DYNC1I1: variants seen among roughly 807,000 people sequenced by gnomAD.
The protein encoded by DYNC1I1 is cytoplasmic dynein 1 intermediate chain 1.
Under a neutral mutation model 86.6 loss-of-function variants are expected in DYNC1I1, and 43 were observed. The observed-to-expected ratio is 0.50, with a 90% CI of 0.39 to 0.64. The LOEUF (loss-of-function observed/expected upper bound fraction) is 0.64. Among genes scored for constraint, DYNC1I1 ranks in the 30% least tolerant of loss-of-function variants. DYNC1I1 has a pLI of 0.00. For missense variants in DYNC1I1, 604 were observed against 788.8 expected, an observed-to-expected ratio of 0.77 and a Z score of 2.81; for synonymous variants, 262 against 283.7, an observed-to-expected ratio of 0.92 and a Z score of 0.77.
At chr7:95,878,684 T>C (rs1790371590) in intron 6 of DYNC1I1, among the ~76,000 whole-genome samples, 2 of 152,142 alleles carry the variant, frequency 1.3e-5, no homozygotes. Flanking sequence ...AATAATGGAA[T>C]AAAATTTCTC....
intron 5 of DYNC1I1, among the ~76,000 whole-genome samples, chr7:95,863,704 C>T (rs915877191): frequency 2.0e-5 from 3 of 151,958 alleles, no homozygotes; most frequent in African/African-American, 7.3e-5. Context: ...TTCTTTAGGC[C>T]TTCATCACAT....
intron 6 of DYNC1I1, among the ~76,000 whole-genome samples, chr7:95,955,622 C>T (rs1792691020): frequency 6.6e-6 from 1 of 152,098 alleles, no homozygotes; most frequent in African/African-American, 2.4e-5. Context: ...TAAACTTGCC[C>T]TTCACCACAG....
At chr7:95,924,889 C>T (rs1791702562) in intron 6 of DYNC1I1, among the ~76,000 whole-genome samples, 1 of 152,082 alleles carries the variant, frequency 6.6e-6, no homozygotes, top group Admixed American at 6.5e-5. Context: ...CCTAGAGTCT[C>T]TTAGGTGACT....
chr7:95,908,340 C>T (rs537726830), intron 6 of DYNC1I1, among the ~76,000 whole-genome samples: 27 of 151,996 alleles, frequency 1.8e-4, no homozygotes, highest in East Asian at 3.9e-4. Flanking sequence ...ACCTAAATAG[C>T]GAGCTGTAGA....
At chr7:95,874,554 C>T (rs1790254779) in intron 6 of DYNC1I1, among the ~76,000 whole-genome samples, 2 of 152,088 alleles carry the variant, frequency 1.3e-5, no homozygotes, top group African/African-American at 2.4e-5. Context: ...CCTAATACGA[C>T]TATGTTTGTA....
intron 16 of DYNC1I1, among the ~76,000 whole-genome samples, chr7:96,109,312 A>C (rs1403070198): frequency 6.6e-6 from 1 of 151,660 alleles, no homozygotes; most frequent in Admixed American, 6.6e-5. Flanking sequence ...TGCTGCACCC[A>C]TTAACTCGTC....
chr7:95,821,370 T>C (rs1473538600), intron 4 of DYNC1I1, among the ~76,000 whole-genome samples: 1 of 152,154 alleles, frequency 6.6e-6, no homozygotes, highest in East Asian at 1.9e-4. Context: ...TGGGGTTATT[T>C]TGCAGAAGAT....
intron 6 of DYNC1I1, among the ~76,000 whole-genome samples, chr7:95,913,849 A>T (rs1791401466): frequency 6.6e-6 from 1 of 152,204 alleles, no homozygotes; most frequent in African/African-American, 2.4e-5. Context: ...TTTTGCATTA[A>T]TATCAGAGTA....
Position 95,828,069 on chromosome 7 carries a change from G to A in DYNC1I1, c.327G>A (p.Trp109Ter). The change falls in exon 5 of 17, where the codon TGG (tryptophan) becomes TGA (stop). Residue 109 changes from tryptophan (W) to a stop codon, truncating the protein, a stop_gained. Transcript: ENST00000447467. LOFTEE classifies it high-confidence loss of function. ...DLGPLTRTLQ[W>*]DTDPSVLQLQ... ...GCTGCACAATTAGGACCCTGCAGTG[G>A]GACACAGACCCCTCAGTGCTCCAGC... The A allele has an allele frequency of 6.2e-7, 1 of 1,613,776 alleles. No homozygotes were observed. The highest frequency in any genetic ancestry group is 8.5e-7 in the Non-Finnish European group (1 of 1,179,780).
intron 4 of DYNC1I1, among the ~76,000 whole-genome samples, chr7:95,825,537 A>G (rs936161217): frequency 5.3e-5 from 8 of 152,212 alleles, no homozygotes; most frequent in Non-Finnish European, 1.2e-4. Flanking sequence ...TACTTTCACA[A>G]TTTGAACTGA....
At chr7:95,935,350 C>T (rs1280268875) in intron 6 of DYNC1I1, among the ~76,000 whole-genome samples, 1 of 151,978 alleles carries the variant, frequency 6.6e-6, no homozygotes, top group Non-Finnish European at 1.5e-5. Context: ...CATGAATATA[C>T]CACATTTTCT....
intron 6 of DYNC1I1, among the ~76,000 whole-genome samples, chr7:95,892,436 A>G (rs575284274): frequency 0.011 from 1,610 of 151,906 alleles, 23 homozygotes; most frequent in African/African-American, 0.037. Context: ...TCAGCCTCCC[A>G]AGTAGCTGGG....
At chr7:95,785,045 A>G (rs1022384128) in intron 1 of DYNC1I1, among the ~76,000 whole-genome samples, 5 of 152,196 alleles carry the variant, frequency 3.3e-5, no homozygotes, top group Non-Finnish European at 7.3e-5. Context: ...TGTGCCTTCA[A>G]AAAACATTTA....
intron 1 of DYNC1I1, among the ~76,000 whole-genome samples, chr7:95,779,946 T>A: frequency 6.6e-6 from 1 of 151,680 alleles, no homozygotes; most frequent in East Asian, 1.9e-4. Flanking sequence ...GGAAGGGGAG[T>A]CTTGAGGAGG....
intron 5 of DYNC1I1, among the ~76,000 whole-genome samples, chr7:95,864,288 A>G (rs1468409558): frequency 1.3e-5 from 2 of 152,238 alleles, no homozygotes; most frequent in Non-Finnish European, 2.9e-5. Flanking sequence ...CATAATGTCC[A>G]ATCAAGGACA....
intron 14 of DYNC1I1, among the ~76,000 whole-genome samples, chr7:96,043,809 A>G (rs2116063066): frequency 6.6e-6 from 1 of 152,100 alleles, no homozygotes; most frequent in African/African-American, 2.4e-5. Flanking sequence ...CTTCCAGTTC[A>G]AGCAATTCTC....
intron 1 of DYNC1I1, among the ~76,000 whole-genome samples, chr7:95,774,208 T>C (rs1254820166): frequency 1.3e-5 from 2 of 152,212 alleles, no homozygotes; most frequent in Admixed American, 6.5e-5. Context: ...TAGAATACAG[T>C]TGGGGGTCGA....
chr7:95,990,921 G>A (rs373832191), intron 9 of DYNC1I1, among the ~76,000 whole-genome samples: 3 of 152,136 alleles, frequency 2.0e-5, no homozygotes, highest in Admixed American at 1.3e-4. Context: ...CCCCAGCTAT[G>A]TGGGAGGCTG....
chr7:95,795,663 A>T (rs185630845), intron 1 of DYNC1I1, among the ~76,000 whole-genome samples: 43 of 152,272 alleles, frequency 2.8e-4, no homozygotes, highest in Admixed American at 1.6e-3. Flanking sequence ...AGATGTTCTT[A>T]CTTGTAAGTG....
Sources: gnomAD v4.1 joint callset for allele counts (sites outside exome capture counted in the v4.1 genomes callset) on GRCh38, gnomAD v4.1.1 for gene constraint, MANE v1.5 for transcripts, NCBI Gene and HGNC (gene_info 2026-07-23, HGNC 2026-07-21) for gene names.